SLC30A9: variants seen among roughly 807,000 people sequenced by gnomAD.
The protein encoded by SLC30A9 is solute carrier family 30 member 9.
In SLC30A9, 58 loss-of-function variants were observed where a neutral mutation model predicts 87.5. That is an observed-to-expected ratio of 0.66 (90% CI 0.54 to 0.82). SLC30A9 has a LOEUF of 0.82. Among genes scored for constraint, SLC30A9 ranks in the 40% least tolerant of loss-of-function variants. The pLI, the probability that SLC30A9 is intolerant of heterozygous loss-of-function variation, is 0.00. For missense variants in SLC30A9, 557 were observed against 679.1 expected (o/e 0.82, Z 2.00); for synonymous variants, 234 against 233.0 (o/e 1.00, Z -0.04).
chr4:41,992,102 T>G (rs909092700), intron 1 of SLC30A9, among the ~76,000 whole-genome samples: 1 of 152,040 alleles, frequency 6.6e-6, no homozygotes, highest in Admixed American at 6.6e-5. Flanking sequence ...TTGTAAACCT[T>G]AGGACGCTGA....
At chr4:42,066,142 C>T (rs1031859012) in intron 12 of SLC30A9, among the ~76,000 whole-genome samples, 1 of 152,036 alleles carries the variant, frequency 6.6e-6, no homozygotes, top group Admixed American at 6.6e-5. Flanking sequence ...GTATAATGTT[C>T]CCTTCATCTA....
chr4:42,018,562 C>T (rs1715813889), intron 3 of SLC30A9: 2 of 499,256 alleles, frequency 4.0e-6, no homozygotes, highest in Non-Finnish European at 6.0e-6. Context: ...GAAGGAATTC[C>T]TGTTTGTAGC....
intron 6 of SLC30A9, among the ~76,000 whole-genome samples, chr4:42,030,816 C>T (rs1716403388): frequency 6.6e-6 from 1 of 152,216 alleles, no homozygotes; most frequent in Non-Finnish European, 1.5e-5. Flanking sequence ...GCTGTCTTGA[C>T]ATCTCTTCCC....
intron 17 of SLC30A9, among the ~76,000 whole-genome samples, chr4:42,082,981 T>C (rs900472222): frequency 2.0e-5 from 3 of 152,186 alleles, no homozygotes; most frequent in African/African-American, 7.2e-5. Context: ...ATCTTGTTAT[T>C]ATTTTGAAGT....
At chr4:42,045,976 A>G (rs1316468259) in intron 8 of SLC30A9, among the ~76,000 whole-genome samples, 2 of 152,240 alleles carry the variant, frequency 1.3e-5, no homozygotes, top group African/African-American at 4.8e-5. Flanking sequence ...GAACCAATAC[A>G]AAAACCAAAT....
chr4:42,011,311 G>A (rs1358126254), intron 2 of SLC30A9, among the ~76,000 whole-genome samples: 1 of 152,126 alleles, frequency 6.6e-6, no homozygotes, highest in African/African-American at 2.4e-5. Context: ...ACAGCATGGG[G>A]GAAACTGCTG....
intron 2 of SLC30A9, among the ~76,000 whole-genome samples, chr4:42,009,924 C>G (rs901447020): frequency 1.3e-5 from 2 of 152,204 alleles, no homozygotes; most frequent in African/African-American, 4.8e-5. Context: ...CTGCCCTGCT[C>G]TCTGTTTCCC....
At chr4:42,015,716 C>G (rs776025045) in intron 2 of SLC30A9, among the ~76,000 whole-genome samples, 5 of 152,106 alleles carry the variant, frequency 3.3e-5, no homozygotes, top group Non-Finnish European at 5.9e-5. Context: ...TCAGCTCCTG[C>G]TGAAAGTCCA....
chr4:42,065,560 C>T (rs904292875), intron 12 of SLC30A9, among the ~76,000 whole-genome samples: 4 of 152,186 alleles, frequency 2.6e-5, no homozygotes, highest in Non-Finnish European at 5.9e-5. Context: ...TGTAACTGCG[C>T]CCTGCCATGG....
intron 17 of SLC30A9, among the ~76,000 whole-genome samples, chr4:42,085,078 C>T (rs1718875701): frequency 6.6e-6 from 1 of 152,212 alleles, no homozygotes; most frequent in Non-Finnish European, 1.5e-5. Context: ...ACCAACCCTA[C>T]CCTTTTTGCA....
chr4:42,025,259 A>T (rs1056144860), intron 6 of SLC30A9, among the ~76,000 whole-genome samples: 1 of 152,200 alleles, frequency 6.6e-6, no homozygotes, highest in Non-Finnish European at 1.5e-5. Flanking sequence ...AGTTCATGTG[A>T]TGGTGATGGT....
intron 2 of SLC30A9, among the ~76,000 whole-genome samples, chr4:42,017,571 G>GT (rs1375011945): frequency 8.6e-5 from 13 of 151,878 alleles, no homozygotes; most frequent in Admixed American, 2.0e-4. Context: ...ACCTGTAATT[G>GT]TTTTTTCTTT....
chr4:42,041,253 A>G lies in SLC30A9; in HGVS notation c.737+2200A>G, dbSNP rs1012299991. Reference sequence around the variant, plus strand: ...TGTGGGAGACACAGAGCCAAACCATATCAAGGAGTGTCAAGAAAGCCAAGG... The same window carrying G: ...TGTGGGAGACACAGAGCCAAACCATGTCAAGGAGTGTCAAGAAAGCCAAGG... On this transcript the variant is annotated intron_variant, in intron 8 of 17. Transcript: ENST00000264451. Among the ~76,000 whole-genome samples the G allele has an allele frequency of 2.0e-5, 3 of 152,228 alleles. 1 individual carries two copies. In the Middle Eastern group the frequency reaches 0.01, roughly 518 times the overall value.
intron 6 of SLC30A9, among the ~76,000 whole-genome samples, chr4:42,025,568 CT>C (rs1210306573): frequency 6.6e-6 from 1 of 152,148 alleles, no homozygotes; most frequent in Non-Finnish European, 1.5e-5. Flanking sequence ...AATCCAAGTT[CT>C]TTAAATCATT....
chr4:42,001,018 T>G (rs916041413), intron 1 of SLC30A9, among the ~76,000 whole-genome samples: 8 of 152,058 alleles, frequency 5.3e-5, no homozygotes, highest in Non-Finnish European at 1.5e-5. Context: ...CCTTCTGTAT[T>G]TGAGCCCTTC....
chr4:41,998,282 A>G (rs776574494), intron 1 of SLC30A9, among the ~76,000 whole-genome samples: 1 of 152,194 alleles, frequency 6.6e-6, no homozygotes, highest in Non-Finnish European at 1.5e-5. Flanking sequence ...AGTCTTGAAG[A>G]CACAGCCCTT....
At chr4:42,030,004 C>T in intron 6 of SLC30A9, 1 of 897,404 alleles carries the variant, frequency 1.1e-6, no homozygotes, top group Non-Finnish European at 1.8e-6. Context: ...GTACAGTTCA[C>T]CAACCTTACC....
rs1448099865 is a variant in SLC30A9 at position 42,087,150 on chromosome 4, A to G, written c.*1024A>G. ...TAATATAGTTCATACTGTGTCTGTG[A>G]GTTTCTTCAGTTACAAATGGGCATT... On this transcript the variant is annotated 3_prime_UTR_variant, in exon 18 of 18. Transcript: ENST00000264451. 6.6e-6 allele frequency: 1 copy of G among 152,152 alleles called. No homozygotes were observed. Among genetic ancestry groups the G allele is most frequent in the Non-Finnish European group, 1.5e-5 (1 of 68,024 alleles). The allele number at this position is 152,152 out of a possible 1,614,324, so 9.4% of individuals were successfully genotyped here.
chr4:42,073,318 G>A (rs1022689126), intron 15 of SLC30A9, among the ~76,000 whole-genome samples: 2 of 152,106 alleles, frequency 1.3e-5, no homozygotes, highest in Non-Finnish European at 2.9e-5. Flanking sequence ...TGTTTAATAA[G>A]TAATGTCTAA....
Sources: allele counts gnomAD v4.1 joint callset (sites outside exome capture counted in the v4.1 genomes callset), GRCh38; gene constraint gnomAD v4.1.1; transcripts MANE v1.5; gene names NCBI Gene and HGNC (gene_info 2026-07-23, HGNC 2026-07-21).